TBC1D22A: variants seen among roughly 807,000 people sequenced by gnomAD.
TBC1D22A encodes the protein putative GTPase activator.
TBC1D22A carries 38 observed loss-of-function variants against 60.2 expected under a neutral mutation model. That is an observed-to-expected ratio of 0.63 (90% CI 0.49 to 0.83). The LOEUF is 0.83. TBC1D22A is among the 40% of genes least tolerant of loss of function. The pLI, the probability that TBC1D22A is intolerant of heterozygous loss-of-function variation, is 0.00. For missense variants in TBC1D22A, 628 were observed against 701.0 expected (o/e 0.90, Z 1.18); for synonymous variants, 302 against 281.7 (o/e 1.07, Z -0.72).
chr22:47,052,030 C>T (rs909687529), intron 11 of TBC1D22A, among the ~76,000 whole-genome samples: 6 of 151,966 alleles, frequency 3.9e-5, no homozygotes. Context: ...GGCGGGATGC[C>T]TCCTCTTCAG....
At chr22:46,787,871 T>A (rs1448572511) in intron 1 of TBC1D22A, among the ~76,000 whole-genome samples, 1 of 151,810 alleles carries the variant, frequency 6.6e-6, no homozygotes, top group East Asian at 1.9e-4. Context: ...TTATTCCTTA[T>A]GTCCTATATG....
At chr22:47,165,531 G>A (rs374198988) in intron 12 of TBC1D22A, among the ~76,000 whole-genome samples, 1 of 148,614 alleles carries the variant, frequency 6.7e-6, no homozygotes, top group Admixed American at 6.6e-5. Flanking sequence ...GAGCAGGCAT[G>A]TCGCCTGCCT....
chr22:46,954,029 A>G (rs1317141119), intron 8 of TBC1D22A, among the ~76,000 whole-genome samples: 1 of 152,060 alleles, frequency 6.6e-6, no homozygotes, highest in African/African-American at 2.4e-5. Context: ...TAACCACTTT[A>G]TTGAATTCAT....
chr22:46,970,330 A>T (rs2073998338), intron 8 of TBC1D22A, among the ~76,000 whole-genome samples: 1 of 151,468 alleles, frequency 6.6e-6, no homozygotes, highest in South Asian at 2.1e-4. Flanking sequence ...CTGTGTATTG[A>T]TCATTTTTTC....
At chr22:47,166,669 A>G (rs559441699) in intron 12 of TBC1D22A, among the ~76,000 whole-genome samples, 4 of 152,276 alleles carry the variant, frequency 2.6e-5, no homozygotes, top group African/African-American at 9.6e-5. Context: ...ACACTCATAC[A>G]TGTACGCCCT....
At chr22:46,938,868 G>C (rs1163852712) in intron 8 of TBC1D22A, among the ~76,000 whole-genome samples, 18 of 152,046 alleles carry the variant, frequency 1.2e-4, no homozygotes, top group Non-Finnish European at 2.6e-4. Context: ...TTACAGGCGT[G>C]AGCCACCACA....
At chr22:47,144,726 C>T (rs1601660675) in intron 12 of TBC1D22A, among the ~76,000 whole-genome samples, 1 of 145,336 alleles carries the variant, frequency 6.9e-6, no homozygotes, top group African/African-American at 2.5e-5. Flanking sequence ...GGGTGCAGCC[C>T]GTGAAGGTGC....
At chr22:46,802,867 C>T (rs895450183) in intron 4 of TBC1D22A, among the ~76,000 whole-genome samples, 4 of 151,206 alleles carry the variant, frequency 2.6e-5, no homozygotes, top group African/African-American at 9.8e-5. Flanking sequence ...GGGTGGGCTG[C>T]GTGAGTCGGG....
chr22:46,970,847 A>G (rs2074019534), intron 8 of TBC1D22A, among the ~76,000 whole-genome samples: 1 of 152,184 alleles, frequency 6.6e-6, no homozygotes, highest in Admixed American at 6.5e-5. Context: ...CCATACACCC[A>G]GGGACAGGGC....
intron 11 of TBC1D22A, among the ~76,000 whole-genome samples, chr22:47,079,547 T>G (rs2064373656): frequency 6.6e-6 from 1 of 152,188 alleles, no homozygotes; most frequent in South Asian, 2.1e-4. Flanking sequence ...GTTCTTATAT[T>G]TAAGTGGTGC....
At chr22:46,838,853 A>G (rs919711941) in intron 4 of TBC1D22A, among the ~76,000 whole-genome samples, 5 of 152,214 alleles carry the variant, frequency 3.3e-5, no homozygotes, top group African/African-American at 1.2e-4. Context: ...AAAATTCAAC[A>G]TCTTTTCTTG....
rs372317411 is a variant in TBC1D22A at position 46,804,168 on chromosome 22, A to G, written c.637+6548A>G. 5.9e-4 allele frequency among the ~76,000 whole-genome samples: 90 copies of G among 152,182 alleles called. No individual in the cohort carries two copies. In the South Asian group the frequency reaches 0.013, roughly 23 times the overall value. ...GTTTTCCCCCCGTGGCTTCCCCCAC[A>G]TCACCGTTACTCTGCTTTCCCTCAA... is the stretch of plus-strand genomic sequence containing the variant. On this transcript the variant is annotated intron_variant, in intron 4 of 12. Coordinates refer to ENST00000337137, the MANE Select transcript of TBC1D22A (RefSeq NM_014346.5).
intron 7 of TBC1D22A, among the ~76,000 whole-genome samples, chr22:46,903,065 C>T (rs1458992449): frequency 1.3e-5 from 2 of 152,350 alleles, no homozygotes; most frequent in African/African-American, 4.8e-5. Context: ...GTGATTTCTT[C>T]TATTTCCTGG....
chr22:47,165,246 C>T (rs1386354786), intron 12 of TBC1D22A, among the ~76,000 whole-genome samples: 1 of 152,134 alleles, frequency 6.6e-6, no homozygotes, highest in East Asian at 1.9e-4. Flanking sequence ...GCCTGTCTCG[C>T]TCCAGGGGGT....
chr22:46,977,006 G>A lies in TBC1D22A; in HGVS notation c.1125+2607G>A, dbSNP rs538410294. 1.2e-3 allele frequency among the ~76,000 whole-genome samples: 177 copies of A among 152,308 alleles called. 1 individual carries two copies. Among genetic ancestry groups the A allele is most frequent in the African/African-American group, 4.0e-3 (168 of 41,582 alleles). On this transcript the variant is annotated intron_variant, in intron 9 of 12. Coordinates refer to ENST00000337137, the MANE Select transcript of TBC1D22A (RefSeq NM_014346.5). ...GAGGAACTAACATTGTCTTCGCCGTGACGGTGCTTCTTGGCGTGGGCATTC... is the reference window on the plus strand; with the variant it reads ...GAGGAACTAACATTGTCTTCGCCGTAACGGTGCTTCTTGGCGTGGGCATTC...
At chr22:46,904,130 TCTATCTATCTATCTACCTAC>T (rs1349528527) in intron 7 of TBC1D22A, among the ~76,000 whole-genome samples, 3 of 96,782 alleles carry the variant, frequency 3.1e-5, no homozygotes, top group Admixed American at 1.1e-4. Context: ...TATCTATCTA[TCTATCTATCTATCTACCTAC>T]CTACCTACCT....
intron 10 of TBC1D22A, among the ~76,000 whole-genome samples, chr22:47,025,096 A>G (rs74359816): frequency 0.029 from 4,405 of 152,328 alleles, 88 homozygotes; most frequent in Non-Finnish European, 0.043. Flanking sequence ...GTCCAATAAG[A>G]CTGTATCAAA....
intron 8 of TBC1D22A, among the ~76,000 whole-genome samples, chr22:46,953,688 C>A (rs1297605670): frequency 6.6e-6 from 1 of 152,144 alleles, no homozygotes; most frequent in African/African-American, 2.4e-5. Flanking sequence ...ATTCTATTGT[C>A]TTTTTGTCCT....
rs187357412 is a variant in TBC1D22A at position 47,110,991 on chromosome 22, G to A, written c.1330-517G>A. Among the ~76,000 whole-genome samples the A allele has an allele frequency of 6.3e-3, 965 of 152,292 alleles. 4 individuals are homozygous for A. The highest frequency in any genetic ancestry group is 0.024 in the South Asian group (114 of 4,824). ...TGAGGGGCGTGAGCCGTGTCCTTCC[G>A]CGTCCGTGGCTTCCGAGTAGCATCA... On this transcript the variant is annotated intron_variant, in intron 11 of 12. Transcript: ENST00000337137.
Sources: gnomAD v4.1 joint callset for allele counts (sites outside exome capture counted in the v4.1 genomes callset) on GRCh38, gnomAD v4.1.1 for gene constraint, MANE v1.5 for transcripts, NCBI Gene and HGNC (gene_info 2026-07-23, HGNC 2026-07-21) for gene names.